The following CYREN variants were observed in gnomAD, a reference collection of about 807,000 sequenced individuals.
CYREN encodes the protein cell cycle regulator of non-homologous end joining.
CYREN carries 7 observed loss-of-function variants against 9.7 expected under a neutral mutation model. The ratio of observed to expected loss-of-function variants is 0.72; its 90% confidence interval spans 0.41 to 1.36. The LOEUF (loss-of-function observed/expected upper bound fraction) is 1.36. CYREN is among the 40% of genes most tolerant of loss of function. The probability of loss-of-function intolerance (pLI) is 0.01; values close to 1 mark genes in which losing one functional copy is unlikely to be tolerated. For missense variants in CYREN, 215 were observed against 198.1 expected (o/e 1.09, Z -0.51); for synonymous variants, 76 against 77.9 (o/e 0.98, Z 0.13).
Position 135,137,753 on chromosome 7 carries a change from G to T in CYREN, n.356+30996C>A, listed in dbSNP as rs996191063. On this transcript the variant is annotated intron_variant and non_coding_transcript_variant, in intron 2 of 2. Transcript: ENST00000459937. Reference sequence around the variant, plus strand: ...GTAACAAAATACCATAAACTAGGCTGCTTAATGAAACAATAGAAATTTATC... The same window carrying T: ...GTAACAAAATACCATAAACTAGGCTTCTTAATGAAACAATAGAAATTTATC... 2.6e-5 allele frequency among the ~76,000 whole-genome samples: 4 copies of T among 152,150 alleles called. No individual in the cohort carries two copies. The East Asian group carries it at 7.7e-4, about 29-fold the overall frequency.
downstream of CYREN, among the ~76,000 whole-genome samples, chr7:135,163,864 C>G (rs147935595): frequency 6.6e-6 from 1 of 152,294 alleles, no homozygotes; most frequent in Non-Finnish European, 1.5e-5. Context: ...TTCGAATGAG[C>G]TTCAGAGCTT....
intron 2 of CYREN, among the ~76,000 whole-genome samples, chr7:135,131,749 A>G (rs1423535015): frequency 6.6e-6 from 1 of 152,124 alleles, no homozygotes; most frequent in Admixed American, 6.5e-5. Flanking sequence ...ACAGAAAATC[A>G]GTGAAACAAC....
At chr7:135,142,761 T>C (rs556033992) in intron 2 of CYREN, among the ~76,000 whole-genome samples, 4 of 152,142 alleles carry the variant, frequency 2.6e-5, no homozygotes, top group African/African-American at 7.2e-5. Context: ...TACTTAAGTA[T>C]GTGTCAAGAG....
chr7:135,172,278 C>T (rs1325362930), upstream of CYREN, among the ~76,000 whole-genome samples: 1 of 152,232 alleles, frequency 6.6e-6, no homozygotes, highest in African/African-American at 2.4e-5. Context: ...TGCATGGGCA[C>T]TCTTGTTCTG....
intron 2 of CYREN, among the ~76,000 whole-genome samples, chr7:135,122,085 G>T (rs527829181): frequency 1.3e-5 from 2 of 152,336 alleles, no homozygotes; most frequent in South Asian, 2.1e-4. Flanking sequence ...GAGTTCCTTG[G>T]GGGAGGGGCA....
At chr7:135,167,045 ACCCC>A (rs1562930888) in intron 3 of CYREN, 174 bp from the exon 4 acceptor site, 17 of 984,734 alleles carry the variant, frequency 1.7e-5, no homozygotes, top group Non-Finnish European at 2.0e-5. Flanking sequence ...CCTTCCCCTG[ACCCC>A]CTCTTCACAG....
At chr7:135,145,906 C>T (rs59474698) in intron 2 of CYREN, among the ~76,000 whole-genome samples, 3,134 of 152,170 alleles carry the variant, frequency 0.021, 118 homozygotes, top group African/African-American at 0.071. Flanking sequence ...ACTGTTATGT[C>T]TAAAAAAACC....
At chr7:135,111,600 CAA>C (rs1265155790) in intron 2 of CYREN, among the ~76,000 whole-genome samples, 1 of 151,764 alleles carries the variant, frequency 6.6e-6, no homozygotes, top group Non-Finnish European at 1.5e-5. Context: ...TAACATTTCA[CAA>C]TAGCTATTGT....
chr7:135,148,264 C>G, intron 2 of CYREN: 1 of 370,696 alleles, frequency 2.7e-6, no homozygotes, highest in Non-Finnish European at 5.3e-6. Flanking sequence ...CTCTGCACCT[C>G]CTTTCTGTAA....
At chr7:135,134,702 A>G in intron 2 of CYREN, 1 of 796,346 alleles carries the variant, frequency 1.3e-6, no homozygotes, top group Non-Finnish European at 1.9e-6. Flanking sequence ...AGACTTCTAA[A>G]TGATGGTAAA....
At chr7:135,101,371 G>A in intron 2 of CYREN, 1 of 381,594 alleles carries the variant, frequency 2.6e-6, no homozygotes, top group Middle Eastern at 4.0e-4. Context: ...CTTGGATTAT[G>A]GGAACTACTT....
At chr7:135,157,634 G>A (rs1235960352) in intron 2 of CYREN, among the ~76,000 whole-genome samples, 1 of 152,230 alleles carries the variant, frequency 6.6e-6, no homozygotes, top group Non-Finnish European at 1.5e-5. Flanking sequence ...GTGGTGTCAT[G>A]TGAGTGATGG....
chr7:135,150,882 T>G (rs964418584), intron 2 of CYREN, among the ~76,000 whole-genome samples: 12 of 152,206 alleles, frequency 7.9e-5, no homozygotes, highest in African/African-American at 2.9e-4. Context: ...AGATGGCTCA[T>G]TTGTAGACAT....
At chr7:135,130,740 T>C (rs554523511) in intron 2 of CYREN, among the ~76,000 whole-genome samples, 2 of 152,278 alleles carry the variant, frequency 1.3e-5, no homozygotes, top group East Asian at 3.9e-4. Context: ...AGTCCTAATT[T>C]TCTGAATTAT....
intron 2 of CYREN, 71 bp downstream of exon 2, chr7:135,168,715 T>C: frequency 6.4e-7 from 1 of 1,561,704 alleles, no homozygotes; most frequent in Non-Finnish European, 8.6e-7. Context: ...CTGGAAGACC[T>C]GGCCCAGGTC....
chr7:135,096,799 G>A (rs368923953), intron 2 of CYREN, among the ~76,000 whole-genome samples: 2 of 148,860 alleles, frequency 1.3e-5, no homozygotes, highest in South Asian at 2.2e-4. Context: ...AAGAAAAAGG[G>A]AAGAAGGAAG....
rs1279253649 is a variant in CYREN, at chr7:135,166,757, C to T, written c.328G>A (p.Glu110Lys). 1 of 1,614,168 alleles carries T rather than the reference C, an allele frequency of 6.2e-7. No homozygotes were observed. Among genetic ancestry groups the T allele is most frequent in the East Asian group, 2.2e-5 (1 of 44,890 alleles). The change falls in exon 4 of 4, where the codon GAA (glutamate) becomes AAA (lysine). Residue 110 changes from glutamate (E) to lysine (K), a missense_variant. Physicochemically the swap from Glu to Lys is moderately conservative, Grantham distance 56. Coordinates refer to ENST00000393114, the MANE Select transcript of CYREN (RefSeq NM_024033.4). ...AGTGCCTGTTTCCCACTGTCCTCTT[C>T]CTCACTGCTGCTCCCAGAACTTGTG... ...PHTSSGSSSE[E>K]EDSGKQALAP...
chr7:135,167,484 A>C (rs1371654696), intron 3 of CYREN: 5 of 1,387,940 alleles, frequency 3.6e-6, no homozygotes, highest in Non-Finnish European at 4.7e-6. Context: ...CGCTCTCCCT[A>C]ACACACACAC....
intron 2 of CYREN, among the ~76,000 whole-genome samples, chr7:135,141,361 C>T (rs980313498): frequency 5.3e-5 from 8 of 152,030 alleles, no homozygotes; most frequent in African/African-American, 1.7e-4. Flanking sequence ...TCATAATTGT[C>T]TCTGAGGGTT....
Sources: allele counts gnomAD v4.1 joint callset (sites outside exome capture counted in the v4.1 genomes callset), GRCh38; gene constraint gnomAD v4.1.1; transcripts MANE v1.5; gene names NCBI Gene and HGNC (gene_info 2026-07-23, HGNC 2026-07-21).